The following SNRPE variants were observed in gnomAD, a reference collection of about 807,000 sequenced individuals.
The protein encoded by SNRPE is small nuclear ribonucleoprotein polypeptide E, also known as small nuclear ribonucleoprotein E.
For synonymous variants in SNRPE, 35 were observed against 36.7 expected, an observed-to-expected ratio of 0.95 and a Z score of 0.17; for missense variants, 53 against 111.6, an observed-to-expected ratio of 0.48 and a Z score of 2.36.
chr1:203,869,544 T>C (rs12060320), intron 4 of SNRPE, among the ~76,000 whole-genome samples: 16,148 of 152,076 alleles, frequency 0.11, 995 homozygotes, highest in Non-Finnish European at 0.13. Context: ...AGTTATAATA[T>C]GCTGTATTTC....
chr1:203,864,207 G>A (rs1010065702), intron 3 of SNRPE, among the ~76,000 whole-genome samples: 1 of 152,048 alleles, frequency 6.6e-6, no homozygotes, highest in African/African-American at 2.4e-5. Context: ...TCCCACCTCA[G>A]CCTCTCAAAG....
At chr1:203,862,056 A>C (rs1689988905) in intron 1 of SNRPE, 140 bp from the exon 2 acceptor site, 1 of 701,332 alleles carries the variant, frequency 1.4e-6, no homozygotes, top group African/African-American at 1.8e-5. Flanking sequence ...ACGAATGCCC[A>C]GCTGGGCACT....
In SNRPE at chr1:203,863,706, G is replaced by C; in HGVS notation, c.125G>C (p.Arg42Pro). Residue 42 changes from arginine (R) to proline (P), a missense_variant, in exon 3 of 5, where the codon CGG becomes CCG. Coordinates refer to ENST00000414487, the MANE Select transcript of SNRPE (RefSeq NM_003094.4). ...TGGCTCTATGAGCAAGTGAATATGC[G>C]GATAGAAGGCTGTATCATTGTGAGT... ...QVWLYEQVNM[R>P]IEGCIIGFDE... is the part of the protein sequence containing the mutation. 2 of 1,603,720 alleles carry C rather than the reference G, an allele frequency of 1.2e-6. No homozygotes were observed. Among genetic ancestry groups the C allele is most frequent in the Non-Finnish European group, 8.5e-7 (1 of 1,170,690 alleles).
intron 4 of SNRPE, among the ~76,000 whole-genome samples, chr1:203,868,416 A>G (rs2103511366): frequency 6.6e-6 from 1 of 152,350 alleles, no homozygotes; most frequent in Non-Finnish European, 1.5e-5. Context: ...TCATCAAGAC[A>G]CACTGAATCA....
rs564988259 is a variant in SNRPE, at chr1:203,869,289, C to CTTTTTTTTTTT, written c.224-564_224-554dup. 7.9e-4 allele frequency among the ~76,000 whole-genome samples: 53 copies of CTTTTTTTTTTT among 66,806 alleles called. 3 individuals carry two copies. Among genetic ancestry groups the CTTTTTTTTTTT allele is most frequent in the East Asian group, 2.0e-3 (4 of 1,968 alleles). 43.8% of individuals were successfully genotyped at this position (66,806 alleles called of 152,430 possible). On this transcript the variant is annotated intron_variant, in intron 4 of 4. Coordinates refer to ENST00000414487, the MANE Select transcript of SNRPE (RefSeq NM_003094.4). ...AGGTTTGTTTATTGTAGGATGGAGT[C>CTTTTTTTTTTT]TTTTTTTTTTTTTTTTTTTTTTTTT... is the stretch of plus-strand genomic sequence containing the variant.
intron 3 of SNRPE, 136 bp downstream of exon 3, chr1:203,863,861 C>T (rs1331398355): frequency 4.8e-6 from 3 of 619,000 alleles, no homozygotes; most frequent in African/African-American, 3.7e-5. Flanking sequence ...GCTGTTTAGC[C>T]TTTTTTCATT....
At chr1:203,864,421 A>G (rs1690043713) in intron 3 of SNRPE, among the ~76,000 whole-genome samples, 1 of 143,512 alleles carries the variant, frequency 7.0e-6, no homozygotes, top group Non-Finnish European at 1.5e-5. Context: ...GGCTTCTGGG[A>G]TAGCAGGCTA....
intron 4 of SNRPE, among the ~76,000 whole-genome samples, chr1:203,867,236 C>T (rs1294207145): frequency 1.3e-5 from 2 of 150,166 alleles, no homozygotes; most frequent in East Asian, 2.0e-4. Context: ...GCTGAGATCA[C>T]GCCACTGCGC....
Position 203,863,681 on chromosome 1 carries a change from T to C in SNRPE, c.100T>C (p.Trp34Arg). The change falls in exon 3 of 5, where the codon TGG (tryptophan) becomes CGG (arginine). Residue 34 changes from tryptophan (W) to arginine (R), a missense_variant. Transcript: ENST00000414487. ...YLQNRSRIQV[W>R]LYEQVNMRIE... The stretch of plus-strand genomic sequence containing the variant: ...ATTTCAGAGATCGCGGATTCAGGTG[T>C]GGCTCTATGAGCAAGTGAATATGCG... 6.2e-7 allele frequency: 1 copy of C among 1,611,656 alleles called. No individual in the cohort carries two copies. The highest frequency in any genetic ancestry group is 8.5e-7 in the Non-Finnish European group (1 of 1,177,804).
chr1:203,863,400 C>T (rs1690017353), intron 2 of SNRPE, among the ~76,000 whole-genome samples: 1 of 152,152 alleles, frequency 6.6e-6, no homozygotes, highest in African/African-American at 2.4e-5. Context: ...TCACTGCAAC[C>T]TCTGCCTCCC....
intron 2 of SNRPE, among the ~76,000 whole-genome samples, chr1:203,862,859 C>CT (rs1349116169): frequency 6.6e-6 from 1 of 152,110 alleles, no homozygotes; most frequent in Non-Finnish European, 1.5e-5. Flanking sequence ...TGTTTTGGAA[C>CT]TGGATTTTGC....
At chr1:203,863,542 A>G (rs757424764) in intron 2 of SNRPE, 121 bp from the exon 3 acceptor site, 10 of 706,968 alleles carry the variant, frequency 1.4e-5, no homozygotes, top group East Asian at 7.5e-5. Flanking sequence ...GATGGTCTCT[A>G]TCTCTTGACC....
chr1:203,861,731 T>C lies in SNRPE; in HGVS notation c.54+18T>C. On this transcript the variant is annotated intron_variant, in intron 1 of 4. Transcript: ENST00000414487. ...AGCCCATCGTATCCTACGCAGGATG[T>C]CAGGACTAGGAGGTTCGGGTCAGAA... is the stretch of plus-strand genomic sequence containing the variant. The C allele has an allele frequency of 6.3e-7, 1 of 1,594,030 alleles. No individual in the cohort carries two copies. The highest frequency in any genetic ancestry group is 8.6e-7 in the Non-Finnish European group (1 of 1,161,616).
intron 4 of SNRPE, among the ~76,000 whole-genome samples, chr1:203,869,280 G>A (rs925390448): frequency 1.3e-4 from 17 of 135,942 alleles, no homozygotes; most frequent in Non-Finnish European, 2.7e-4. Flanking sequence ...GTTTATTGTA[G>A]GATGGAGTCT....
intron 4 of SNRPE, among the ~76,000 whole-genome samples, chr1:203,867,840 A>T (rs1462015447): frequency 1.3e-5 from 2 of 152,000 alleles, no homozygotes; most frequent in African/African-American, 4.8e-5. Context: ...TCAAAGTTTA[A>T]TTTGGTTTTG....
intron 3 of SNRPE, 149 bp from the exon 4 acceptor site, chr1:203,864,892 A>G: frequency 2.2e-6 from 1 of 462,318 alleles, no homozygotes. Context: ...AAAAAAAAAA[A>G]AAAAAAAAAC....
intron 4 of SNRPE, 64 bp downstream of exon 4, chr1:203,865,183 C>A: frequency 7.3e-7 from 1 of 1,366,208 alleles, no homozygotes; most frequent in Non-Finnish European, 1.0e-6. Context: ...AATTCAGTGA[C>A]CTGCAACTCA....
In SNRPE at chr1:203,861,636, G is replaced by T. The variant is rs375563199; in HGVS notation, c.-24G>T. 624 of 1,602,850 alleles carry T rather than the reference G, an allele frequency of 3.9e-4. 3 individuals carry two copies. The highest frequency in any genetic ancestry group is 4.9e-4 in the Non-Finnish European group (576 of 1,169,650). On this transcript the variant is annotated 5_prime_UTR_variant, in exon 1 of 5. Transcript: ENST00000414487. ...AGTTGCTCTCAGAGGCAGCGTGCGG[G>T]TGTGCTCTTTGTGAAATTCCACCAT...
At chr1:203,862,089 C>T (rs1430076183) in intron 1 of SNRPE, 107 bp from the exon 2 acceptor site, 1 of 871,710 alleles carries the variant, frequency 1.1e-6, no homozygotes, top group African/African-American at 1.7e-5. Flanking sequence ...AAGCACCAGA[C>T]CTCGCGTTTA....
Sources: allele counts gnomAD v4.1 joint callset (sites outside exome capture counted in the v4.1 genomes callset), GRCh38; gene constraint gnomAD v4.1.1; transcripts MANE v1.5; gene names NCBI Gene and HGNC (gene_info 2026-07-23, HGNC 2026-07-21).